The following DPP10 variants were observed in gnomAD, a reference collection of about 807,000 sequenced individuals.
DPP10 encodes the protein inactive dipeptidyl peptidase 10.
A neutral mutation model predicts 120.9 loss-of-function variants in DPP10; 33 were observed. That is an observed-to-expected ratio of 0.27 (90% confidence interval 0.21 to 0.37). The LOEUF (loss-of-function observed/expected upper bound fraction) is 0.37. Ranked by LOEUF, DPP10 falls within the 10% of genes least tolerant of loss-of-function variation. DPP10 has a pLI of 1.00. For synonymous variants in DPP10, 337 were observed against 326.1 expected (o/e 1.03, Z -0.36); for missense variants, 816 against 942.8 (o/e 0.87, Z 1.76).
chr2:115,199,832 CA>C (rs1559228267), intron 1 of DPP10, among the ~76,000 whole-genome samples: 1 of 152,046 alleles, frequency 6.6e-6, no homozygotes, highest in African/African-American at 2.4e-5. Context: ...TGACAGGTTG[CA>C]GATCTGAGTT....
rs1427384081 is a variant in DPP10, at chr2:115,519,426, T to TAG, written c.367-6471_367-6470insGA. ...ATGCATGGTAACAAGAAAATATATA[T>TAG]ATAGAGAGAGCATCTATTATGTTTA... On this transcript the variant is annotated intron_variant, in intron 4 of 25. Transcript: ENST00000410059. Among the ~76,000 whole-genome samples the TAG allele has an allele frequency of 1.3e-3, 192 of 152,150 alleles. 2 individuals carry two copies. Among genetic ancestry groups the TAG allele is most frequent in the African/African-American group, 4.6e-3 (189 of 41,514 alleles).
At chr2:115,554,041 A>G (rs909953205) in intron 5 of DPP10, among the ~76,000 whole-genome samples, 1 of 135,174 alleles carries the variant, frequency 7.4e-6, no homozygotes, top group Non-Finnish European at 1.6e-5. Flanking sequence ...ACACACACAC[A>G]CCAAATTAAC....
At chr2:115,680,783 A>G (rs547620938) in intron 5 of DPP10, among the ~76,000 whole-genome samples, 1 of 151,976 alleles carries the variant, frequency 6.6e-6, no homozygotes, top group African/African-American at 2.4e-5. Context: ...TAAATAGGGT[A>G]AAATGTTTAC....
chr2:114,544,766 T>C (rs1227970202), intron 1 of DPP10, among the ~76,000 whole-genome samples: 1 of 152,124 alleles, frequency 6.6e-6, no homozygotes, highest in Non-Finnish European at 1.5e-5. Context: ...TAATTTATAT[T>C]TAGATTGTCT....
intron 13 of DPP10, among the ~76,000 whole-genome samples, chr2:115,775,342 G>A (rs1681970127): frequency 6.6e-6 from 1 of 151,726 alleles, no homozygotes; most frequent in Non-Finnish European, 1.5e-5. Context: ...GAGCTGTCAA[G>A]GGTAATAATA....
At chr2:114,793,920 G>A (rs1683464777) in intron 1 of DPP10, among the ~76,000 whole-genome samples, 1 of 152,154 alleles carries the variant, frequency 6.6e-6, no homozygotes, top group South Asian at 2.1e-4. Context: ...TAAGTAGAGA[G>A]CAAATACAAT....
chr2:115,551,280 G>A (rs2079855905), intron 5 of DPP10, among the ~76,000 whole-genome samples: 1 of 152,106 alleles, frequency 6.6e-6, no homozygotes, highest in Admixed American at 6.6e-5. Flanking sequence ...AGTATAAGGA[G>A]TACATTGTGC....
At chr2:114,613,659 A>G (rs963922336) in intron 1 of DPP10, among the ~76,000 whole-genome samples, 4 of 152,040 alleles carry the variant, frequency 2.6e-5, no homozygotes, top group Non-Finnish European at 5.9e-5. Flanking sequence ...AAGACAAGAC[A>G]CATGCACACG....
chr2:114,981,211 C>T (rs1482845436), intron 1 of DPP10, among the ~76,000 whole-genome samples: 2 of 152,064 alleles, frequency 1.3e-5, no homozygotes, highest in East Asian at 3.9e-4. Context: ...TATACGATGT[C>T]TGTGCAAAGG....
chr2:115,052,007 G>A (rs1006467916), intron 1 of DPP10, among the ~76,000 whole-genome samples: 14 of 152,124 alleles, frequency 9.2e-5, no homozygotes, highest in Admixed American at 3.9e-4. Context: ...TAAAGAATTC[G>A]AGTTCAGAAA....
intron 1 of DPP10, among the ~76,000 whole-genome samples, chr2:114,964,974 T>G (rs886738799): frequency 6.6e-6 from 1 of 152,126 alleles, no homozygotes; most frequent in Admixed American, 6.5e-5. Flanking sequence ...TAAGGTAGAC[T>G]CAACAGGTTA....
chr2:115,668,249 A>T (rs2089615521), intron 5 of DPP10, among the ~76,000 whole-genome samples: 1 of 148,516 alleles, frequency 6.7e-6, no homozygotes, highest in Non-Finnish European at 1.5e-5. Flanking sequence ...GTTGAAATTT[A>T]ATTGCCATTT....
At chr2:115,583,250 G>A (rs1400691457) in intron 5 of DPP10, among the ~76,000 whole-genome samples, 4 of 152,164 alleles carry the variant, frequency 2.6e-5, no homozygotes, top group Admixed American at 2.6e-4. Context: ...TTCTATTCCA[G>A]TTATTTACTG....
intron 1 of DPP10, among the ~76,000 whole-genome samples, chr2:115,268,279 A>G (rs1487897487): frequency 2.0e-5 from 3 of 147,520 alleles, no homozygotes; most frequent in African/African-American, 5.4e-5. Context: ...TTTATAGGGG[A>G]AAAAAAATTA....
intron 1 of DPP10, among the ~76,000 whole-genome samples, chr2:114,911,838 C>T (rs968729595): frequency 6.6e-6 from 1 of 152,094 alleles, no homozygotes; most frequent in Admixed American, 6.5e-5. Context: ...ACATCAGTTA[C>T]ACTTGCTGCT....
chr2:115,245,035 A>G (rs1216615530), intron 1 of DPP10, among the ~76,000 whole-genome samples: 2 of 151,948 alleles, frequency 1.3e-5, no homozygotes, highest in Non-Finnish European at 2.9e-5. Flanking sequence ...CCATCGTATC[A>G]TTCTTATACC....
rs375159040 is a variant in DPP10, at chr2:115,804,726, G to T, written c.1701-10067G>T. Among the ~76,000 whole-genome samples the T allele has an allele frequency of 4.3e-4, 66 of 152,354 alleles. 1 individual carries two copies. The East Asian group carries it at 0.012, about 28-fold the overall frequency. On this transcript the variant is annotated intron_variant, in intron 19 of 25. Transcript: ENST00000410059. The stretch of plus-strand genomic sequence containing the variant: ...GACCCTGTTTGCCTGGGTATCAGCA[G>T]TGGTGGCTGCAGAACAGTGGATACT...
intron 1 of DPP10, among the ~76,000 whole-genome samples, chr2:115,214,647 CTG>C (rs2056710273): frequency 2.6e-5 from 4 of 152,264 alleles, no homozygotes; most frequent in South Asian, 4.1e-4. Flanking sequence ...TTGTCAGAAT[CTG>C]TCCTTTTTTC....
intron 1 of DPP10, among the ~76,000 whole-genome samples, chr2:115,192,981 A>G (rs915653753): frequency 6.6e-6 from 1 of 151,866 alleles, no homozygotes. Context: ...CAAAAAAAAA[A>G]TTTTTAACCT....
Sources: allele counts gnomAD v4.1 joint callset (sites outside exome capture counted in the v4.1 genomes callset), GRCh38; gene constraint gnomAD v4.1.1; transcripts MANE v1.5; gene names NCBI Gene and HGNC (gene_info 2026-07-23, HGNC 2026-07-21).